Variants in SLC35F4 observed in about 807,000 individuals in gnomAD.
SLC35F4 encodes the protein solute carrier family 35 member F4.
In SLC35F4, 24 loss-of-function variants were observed where a neutral mutation model predicts 44.2. The observed-to-expected ratio is 0.54, with a 90% confidence interval of 0.39 to 0.76. The LOEUF (loss-of-function observed/expected upper bound fraction) is 0.76. Ranked by LOEUF, SLC35F4 falls within the 30% of genes least tolerant of loss-of-function variation. SLC35F4 has a pLI of 0.00. For missense variants in SLC35F4, 562 were observed against 586.1 expected (o/e 0.96, Z 0.42); for synonymous variants, 238 against 223.6 (o/e 1.06, Z -0.57).
intron 1 of SLC35F4, among the ~76,000 whole-genome samples, chr14:57,624,271 A>T (rs2072352900): frequency 6.6e-6 from 1 of 152,246 alleles, no homozygotes; most frequent in Non-Finnish European, 1.5e-5. Context: ...ATCCCTGAGT[A>T]GACCAATAAC....
chr14:57,736,914 C>T (rs1048566338), intron 1 of SLC35F4, among the ~76,000 whole-genome samples: 4 of 151,988 alleles, frequency 2.6e-5, no homozygotes, highest in African/African-American at 9.7e-5. Flanking sequence ...GTTTCATAGC[C>T]ATCATACTAA....
chr14:57,818,981 A>G (rs1430576485), intron 1 of SLC35F4, among the ~76,000 whole-genome samples: 1 of 152,240 alleles, frequency 6.6e-6, no homozygotes, highest in Non-Finnish European at 1.5e-5. Flanking sequence ...GTTTCAAGAC[A>G]AGAATCTCTG....
At chr14:57,697,543 A>G (rs974474907) in intron 1 of SLC35F4, among the ~76,000 whole-genome samples, 2 of 152,060 alleles carry the variant, frequency 1.3e-5, no homozygotes, top group South Asian at 2.1e-4. Context: ...TCTACAAAAA[A>G]TACAAAAATT....
chr14:57,781,800 C>T (rs1400915584), intron 1 of SLC35F4, among the ~76,000 whole-genome samples: 2 of 152,118 alleles, frequency 1.3e-5, no homozygotes, highest in Admixed American at 1.3e-4. Context: ...CCTTAGCAAA[C>T]TGATGCAGGA....
intron 1 of SLC35F4, among the ~76,000 whole-genome samples, chr14:57,811,655 C>T (rs1240748240): frequency 6.6e-6 from 1 of 152,178 alleles, no homozygotes; most frequent in Non-Finnish European, 1.5e-5. Flanking sequence ...CAGAACATTG[C>T]ATAACAAAAA....
intron 1 of SLC35F4, among the ~76,000 whole-genome samples, chr14:57,690,721 G>A (rs2075205992): frequency 6.6e-6 from 1 of 151,684 alleles, no homozygotes; most frequent in African/African-American, 2.4e-5. Flanking sequence ...GGGGGTAATG[G>A]GAGACACTGA....
At chr14:57,860,010 T>A (rs1017733087) in intron 1 of SLC35F4, among the ~76,000 whole-genome samples, 2 of 152,106 alleles carry the variant, frequency 1.3e-5, no homozygotes, top group African/African-American at 4.8e-5. Context: ...TCAGAAAAAG[T>A]GGGCCTAGAA....
intron 1 of SLC35F4, among the ~76,000 whole-genome samples, chr14:57,917,039 G>A (rs1230587196): frequency 6.6e-6 from 1 of 151,618 alleles, no homozygotes; most frequent in Non-Finnish European, 1.5e-5. Context: ...GTTTGTTTTG[G>A]GGGGTTTTGT....
At chr14:57,662,082 T>C (rs1367341560) in intron 1 of SLC35F4, among the ~76,000 whole-genome samples, 2 of 152,198 alleles carry the variant, frequency 1.3e-5, no homozygotes, top group Non-Finnish European at 2.9e-5. Flanking sequence ...AGAGACTGTG[T>C]TTCCGGATTT....
chr14:57,959,879 C>G (rs1464760458), intron 1 of SLC35F4, among the ~76,000 whole-genome samples: 1 of 152,136 alleles, frequency 6.6e-6, no homozygotes, highest in African/African-American at 2.4e-5. Flanking sequence ...TAGACTGAGG[C>G]TATGGACAAT....
intron 1 of SLC35F4, among the ~76,000 whole-genome samples, chr14:57,704,068 A>G (rs1594837217): frequency 6.6e-6 from 1 of 152,288 alleles, no homozygotes; most frequent in Non-Finnish European, 1.5e-5. Flanking sequence ...TCTATAGCAA[A>G]GAACTATTTC....
chr14:57,871,652 G>T (rs1888298906), intron 1 of SLC35F4, among the ~76,000 whole-genome samples: 1 of 152,142 alleles, frequency 6.6e-6, no homozygotes, highest in East Asian at 1.9e-4. Flanking sequence ...AATAGTCATG[G>T]TTCTCCCCCA....
chr14:57,705,992 A>G (rs1238306390), intron 1 of SLC35F4, among the ~76,000 whole-genome samples: 1 of 152,148 alleles, frequency 6.6e-6, no homozygotes, highest in Non-Finnish European at 1.5e-5. Context: ...CCTCCAAAAG[A>G]AGGCACCTTT....
At chr14:57,603,066 G>A (rs2070924888) in intron 1 of SLC35F4, among the ~76,000 whole-genome samples, 1 of 152,174 alleles carries the variant, frequency 6.6e-6, no homozygotes, top group Admixed American at 6.5e-5. Flanking sequence ...AGATTGTGGA[G>A]TAACTTTGAT....
upstream of SLC35F4, among the ~76,000 whole-genome samples, chr14:57,868,980 T>G (rs554652666): frequency 7.2e-5 from 11 of 152,268 alleles, no homozygotes; most frequent in African/African-American, 2.6e-4. Flanking sequence ...ACATAGCCAG[T>G]TTCTCTAGTA....
At chr14:57,873,766 C>G (rs1402099835) in intron 1 of SLC35F4, among the ~76,000 whole-genome samples, 1 of 150,418 alleles carries the variant, frequency 6.6e-6, no homozygotes, top group Non-Finnish European at 1.5e-5. Context: ...CATGACAAAC[C>G]CTGAAACCCT....
intron 2 of SLC35F4, among the ~76,000 whole-genome samples, chr14:57,592,194 G>A (rs999272572): frequency 1.3e-5 from 2 of 152,324 alleles, no homozygotes; most frequent in African/African-American, 4.8e-5. Context: ...TGACAGCAGA[G>A]GCCACTGGAA....
At chr14:57,578,255 AACTACTGATGCTTT>A (rs2068943340) in intron 4 of SLC35F4, among the ~76,000 whole-genome samples, 2 of 149,528 alleles carry the variant, frequency 1.3e-5, no homozygotes, top group South Asian at 4.2e-4. Flanking sequence ...TCTGTTTCTA[AACTACTGATGCTTT>A]AGCATGAACT....
intron 1 of SLC35F4, chr14:57,629,922 G>T (rs867545023): frequency 1.5e-5 from 7 of 479,064 alleles, no homozygotes; most frequent in Non-Finnish European, 2.9e-5. Context: ...TACCAGTATC[G>T]CTGAACACAT....
Sources: allele counts gnomAD v4.1 joint callset (sites outside exome capture counted in the v4.1 genomes callset), GRCh38; gene constraint gnomAD v4.1.1; transcripts MANE v1.5; gene names NCBI Gene and HGNC (gene_info 2026-07-23, HGNC 2026-07-21).